Variants in RMP64 observed in about 807,000 individuals in gnomAD.
The protein encoded by RMP64 is nucleolus and neural progenitor protein.
the RMP64 span, chr3:113,008,131 C>T: frequency 6.3e-7 from 1 of 1,577,738 alleles, no homozygotes; most frequent in African/African-American, 1.4e-5. Context: ...ATAACAACAA[C>T]AGAAAAAGTA....
the RMP64 span, among the ~76,000 whole-genome samples, chr3:113,017,056 A>C: frequency 1.3e-5 from 2 of 152,220 alleles, no homozygotes; most frequent in African/African-American, 4.8e-5. Flanking sequence ...AGTTTTTTTA[A>C]AAATAATTTT....
chr3:113,017,672 TA>T, the RMP64 span: 9 of 1,339,592 alleles, frequency 6.7e-6, no homozygotes, highest in South Asian at 5.5e-5. Context: ...AAAAACACAC[TA>T]AAAAAAGCAT....
At chr3:113,010,341 C>T in the RMP64 span, among the ~76,000 whole-genome samples, 12 of 152,186 alleles carry the variant, frequency 7.9e-5, no homozygotes, top group Admixed American at 2.6e-4. Context: ...AACTGTCTGA[C>T]TGCAAAGCCT....
chr3:113,006,028 A>C, the RMP64 span: 3 of 1,527,740 alleles, frequency 2.0e-6, no homozygotes, highest in South Asian at 3.5e-5. Context: ...AGAGAGGAAA[A>C]ATCTGGGCTT....
At chr3:113,015,341 G>A in the RMP64 span, among the ~76,000 whole-genome samples, 3 of 152,196 alleles carry the variant, frequency 2.0e-5, no homozygotes, top group African/African-American at 7.2e-5. Flanking sequence ...CATTATAGCT[G>A]GGAGAGAAAG....
At chr3:113,013,098 T>C in the RMP64 span, 1 of 679,412 alleles carries the variant, frequency 1.5e-6, no homozygotes, top group Non-Finnish European at 2.5e-6. Flanking sequence ...AGGCAGTCTC[T>C]GGCAATGGCT....
At chr3:113,017,672 T>TA in the RMP64 span, 6 of 1,339,602 alleles carry the variant, frequency 4.5e-6, no homozygotes, top group Non-Finnish European at 6.2e-6. Context: ...AAAAACACAC[T>TA]AAAAAAAGCA....
At chr3:113,005,393 G>A in the RMP64 span, 11 of 615,630 alleles carry the variant, frequency 1.8e-5, no homozygotes, top group Non-Finnish European at 3.2e-5. Context: ...AATGTAGACT[G>A]AACTGAAATG....
At chr3:113,011,420 T>A in the RMP64 span, 1 of 1,542,974 alleles carries the variant, frequency 6.5e-7, no homozygotes, top group Non-Finnish European at 8.7e-7. Context: ...GAGAAAGAAA[T>A]AGGAGCTCAT....
At chr3:113,005,851 C>A in the RMP64 span, 1 of 1,613,706 alleles carries the variant, frequency 6.2e-7, no homozygotes, top group African/African-American at 1.3e-5. Flanking sequence ...TTAAAAGAGT[C>A]GACTGCAACT....
At chr3:113,005,848 A>T in the RMP64 span, 3 of 1,613,928 alleles carry the variant, frequency 1.9e-6, no homozygotes, top group Non-Finnish European at 2.5e-6. Flanking sequence ...CCCTTAAAAG[A>T]GTCGACTGCA....
At chr3:113,014,356 G>T in the RMP64 span, 1 of 178,736 alleles carries the variant, frequency 5.6e-6, no homozygotes, top group East Asian at 1.8e-4. Flanking sequence ...GCTAAGACAA[G>T]ATTTTTTTTT....
At chr3:113,007,961 A>C in the RMP64 span, among the ~76,000 whole-genome samples, 1 of 152,224 alleles carries the variant, frequency 6.6e-6, no homozygotes, top group Non-Finnish European at 1.5e-5. Flanking sequence ...ACGGGGACTG[A>C]AGTCCAATTA....
At chr3:113,013,874 T>C in the RMP64 span, 2 of 1,021,558 alleles carry the variant, frequency 2.0e-6, no homozygotes, top group African/African-American at 1.6e-5. Context: ...ACAGCAAGCA[T>C]AGAGAAATCC....
At chr3:113,014,238 A>G in the RMP64 span, 3 of 463,988 alleles carry the variant, frequency 6.5e-6, no homozygotes, top group Admixed American at 3.8e-5. Flanking sequence ...CCAGCCAAAC[A>G]CATTTTTAAA....
the RMP64 span, chr3:113,004,782 T>A: frequency 6.6e-6 from 1 of 152,284 alleles, no homozygotes; most frequent in Non-Finnish European, 1.5e-5. Flanking sequence ...CCTAACCTCA[T>A]TTTTTCATTT....
At chr3:113,013,897 C>G in the RMP64 span, 3 of 1,155,276 alleles carry the variant, frequency 2.6e-6, no homozygotes, top group Admixed American at 5.1e-5. Flanking sequence ...AGGGAGATCA[C>G]AAGACATTGA....
the RMP64 span, among the ~76,000 whole-genome samples, chr3:113,007,559 C>A: frequency 2.6e-5 from 4 of 151,826 alleles, no homozygotes; most frequent in African/African-American, 9.7e-5. Context: ...CCGTTAAGCC[C>A]TGAAGTGTCT....
chr3:113,011,874 C>T, the RMP64 span, among the ~76,000 whole-genome samples: 1,202 of 152,108 alleles, frequency 7.9e-3, 15 homozygotes, highest in South Asian at 0.028. Flanking sequence ...ACATTGTTAC[C>T]TCTGATTAAG....
Sources: allele counts gnomAD v4.1 joint callset (sites outside exome capture counted in the v4.1 genomes callset), GRCh38; gene constraint gnomAD v4.1.1; transcripts MANE v1.5; gene names NCBI Gene and HGNC (gene_info 2026-07-23, HGNC 2026-07-21).